Variants in ZBBX observed in about 807,000 individuals in gnomAD.
ZBBX encodes zinc finger B-box domain-containing protein 1.
Under a neutral mutation model 108.5 loss-of-function variants are expected in ZBBX, and 101 were observed. That is an observed-to-expected ratio of 0.93 (90% CI 0.79 to 1.10). The LOEUF (loss-of-function observed/expected upper bound fraction) is 1.10, where lower values mean the gene tolerates loss of function less well. Among genes scored for constraint, ZBBX ranks in the 50% least tolerant of loss-of-function variants. The pLI is 0.00. For synonymous variants in ZBBX, 356 were observed against 323.4 expected (o/e 1.10, Z -1.08); for missense variants, 1,009 against 941.4 (o/e 1.07, Z -0.94).
chr3:167,377,476 C>T (rs930693306), intron 2 of ZBBX, among the ~76,000 whole-genome samples: 2 of 152,082 alleles, frequency 1.3e-5, no homozygotes, highest in Admixed American at 6.6e-5. Flanking sequence ...TTTTCCCTTA[C>T]TGTAGCAATA....
intron 8 of ZBBX, among the ~76,000 whole-genome samples, chr3:167,350,976 T>C (rs1444547650): frequency 6.6e-6 from 1 of 152,042 alleles, no homozygotes; most frequent in Non-Finnish European, 1.5e-5. Flanking sequence ...TTTCAAGTGA[T>C]ATGCATACTC....
chr3:167,291,354 A>G (rs1730664977), intron 18 of ZBBX, among the ~76,000 whole-genome samples: 1 of 152,044 alleles, frequency 6.6e-6, no homozygotes, highest in African/African-American at 2.4e-5. Context: ...CTAACAGCAG[A>G]TCTCTCAGCA....
the ZBBX span, among the ~76,000 whole-genome samples, chr3:167,210,082 T>G: frequency 6.7e-6 from 1 of 148,738 alleles, no homozygotes; most frequent in Admixed American, 6.7e-5. Context: ...AGAGTGAGAC[T>G]TGGTCTTAAA....
At chr3:167,329,016 T>C (rs2108367648) in intron 10 of ZBBX, among the ~76,000 whole-genome samples, 1 of 152,336 alleles carries the variant, frequency 6.6e-6, no homozygotes, top group South Asian at 2.1e-4. Flanking sequence ...CCAAGACCTG[T>C]GCCTGGCACA....
intron 10 of ZBBX, among the ~76,000 whole-genome samples, chr3:167,330,871 GAGAAGA>G (rs1303832807): frequency 0.019 from 854 of 43,954 alleles, 22 homozygotes; most frequent in Middle Eastern, 0.033. Context: ...GGAGGAGGAG[GAGAAGA>G]AGAAGAAGAA....
intron 4 of ZBBX, 90 bp from the exon 5 acceptor site, chr3:167,368,664 T>C (rs1745710043): frequency 1.5e-6 from 2 of 1,319,326 alleles, no homozygotes; most frequent in East Asian, 5.8e-5. Flanking sequence ...ATTAGAATCA[T>C]GAATAATAAA....
chr3:167,199,502 A>C, the ZBBX span, among the ~76,000 whole-genome samples: 1 of 152,218 alleles, frequency 6.6e-6, no homozygotes, highest in South Asian at 2.1e-4. Context: ...CTCAGGAAAT[A>C]ACACTTGAAA....
chr3:167,283,228 GA>G (rs928780500), intron 19 of ZBBX, among the ~76,000 whole-genome samples: 2 of 150,648 alleles, frequency 1.3e-5, no homozygotes, highest in Non-Finnish European at 3.0e-5. Flanking sequence ...TTAACAGTAG[GA>G]AAAAAAAATC....
chr3:167,348,327 A>AG (rs2108484241), intron 9 of ZBBX, among the ~76,000 whole-genome samples: 1 of 92,632 alleles, frequency 1.1e-5, no homozygotes, highest in Non-Finnish European at 2.1e-5. Context: ...AAAGAAAGAA[A>AG]GAAAGAAAGA....
At chr3:167,313,790 A>C (rs1734988038) in intron 16 of ZBBX, among the ~76,000 whole-genome samples, 184 bp downstream of exon 16, 1 of 152,170 alleles carries the variant, frequency 6.6e-6, no homozygotes, top group South Asian at 2.1e-4. Flanking sequence ...TTACACATAC[A>C]AACACTGTTG....
At chr3:167,332,111 A>G (rs1738734047) in intron 10 of ZBBX, among the ~76,000 whole-genome samples, 1 of 152,152 alleles carries the variant, frequency 6.6e-6, no homozygotes, top group African/African-American at 2.4e-5. Flanking sequence ...AGTTTTTAAC[A>G]ATCTCCAATT....
At chr3:167,380,772 T>C (rs1747651980), upstream of ZBBX, among the ~76,000 whole-genome samples, 1 of 151,958 alleles carries the variant, frequency 6.6e-6, no homozygotes, top group African/African-American at 2.4e-5. Context: ...AGATTCCAGG[T>C]CTCTTCAAAA....
chr3:167,223,408 G>A, the ZBBX span, among the ~76,000 whole-genome samples: 1 of 151,958 alleles, frequency 6.6e-6, no homozygotes, highest in Non-Finnish European at 1.5e-5. Context: ...TTAGACTTTT[G>A]TTGGGATAGA....
chr3:167,311,870 G>A (rs79102857), intron 16 of ZBBX, among the ~76,000 whole-genome samples: 1,568 of 152,134 alleles, frequency 0.01, 22 homozygotes, highest in African/African-American at 0.036. Context: ...AAGACTGTTT[G>A]GCAATTATTA....
chr3:167,292,134 T>G (rs1278264748), intron 18 of ZBBX, among the ~76,000 whole-genome samples: 1 of 152,080 alleles, frequency 6.6e-6, no homozygotes, highest in Non-Finnish European at 1.5e-5. Context: ...CTATCAATAT[T>G]AGACAGATCA....
chr3:167,304,255 G>A (rs1199179672), intron 17 of ZBBX, among the ~76,000 whole-genome samples: 1 of 152,182 alleles, frequency 6.6e-6, no homozygotes, highest in Non-Finnish European at 1.5e-5. Context: ...AGGTCTGGCA[G>A]GCTTACTGCC....
the ZBBX span, among the ~76,000 whole-genome samples, chr3:167,231,891 A>G: frequency 6.6e-6 from 1 of 151,830 alleles, no homozygotes; most frequent in Non-Finnish European, 1.5e-5. Flanking sequence ...CTAAGGTAGC[A>G]TTTATATTGA....
chr3:167,274,013 G>GCTACTCAACCTACTAGCAATTAGCTAGTT, intron 20 of ZBBX, among the ~76,000 whole-genome samples: 1 of 152,280 alleles, frequency 6.6e-6, no homozygotes, highest in South Asian at 2.1e-4. Flanking sequence ...TGAGCAATTA[G>GCTACTCAACCTACTAGCAATTAGCTAGTT]GACCTACTAG....
At chr3:167,230,245 G>C in the ZBBX span, among the ~76,000 whole-genome samples, 4 of 151,794 alleles carry the variant, frequency 2.6e-5, no homozygotes. Flanking sequence ...AGAAAACCTT[G>C]TCTAGCAGCT....
Sources: gnomAD v4.1 joint callset for allele counts (sites outside exome capture counted in the v4.1 genomes callset) on GRCh38, gnomAD v4.1.1 for gene constraint, MANE v1.5 for transcripts, NCBI Gene and HGNC (gene_info 2026-07-23, HGNC 2026-07-21) for gene names.